Variants in NELL1 observed in about 807,000 individuals in gnomAD.
NELL1 encodes neural EGFL like 1, also known as protein kinase C-binding protein NELL1.
Under a neutral mutation model 107.4 loss-of-function variants are expected in NELL1, and 76 were observed. The observed-to-expected ratio is 0.71, with a 90% CI of 0.59 to 0.86. The LOEUF is 0.86. Ranked by LOEUF, NELL1 falls within the 40% of genes least tolerant of loss-of-function variation. The pLI, the probability that NELL1 is intolerant of heterozygous loss-of-function variation, is 0.00. For synonymous variants in NELL1, 353 were observed against 341.2 expected, an observed-to-expected ratio of 1.03 and a Z score of -0.38; for missense variants, 1,024 against 1,005.5, an observed-to-expected ratio of 1.02 and a Z score of -0.25.
chr11:21,297,595 G>T (rs1849401317), intron 14 of NELL1, among the ~76,000 whole-genome samples: 1 of 151,932 alleles, frequency 6.6e-6, no homozygotes, highest in Non-Finnish European at 1.5e-5. Flanking sequence ...TTCATTCTTT[G>T]ACTCCTTTAC....
intron 13 of NELL1, among the ~76,000 whole-genome samples, chr11:21,214,902 C>T (rs1192209788): frequency 2.6e-5 from 4 of 152,154 alleles, no homozygotes; most frequent in African/African-American, 9.7e-5. Flanking sequence ...ATACATAATA[C>T]ATACATGCAT....
At chr11:21,247,523 C>T (rs1283453406) in intron 14 of NELL1, among the ~76,000 whole-genome samples, 1 of 152,106 alleles carries the variant, frequency 6.6e-6, no homozygotes, top group East Asian at 1.9e-4. Flanking sequence ...CTTCCACCTC[C>T]AACTTTTGTC....
chr11:21,530,580 A>C (rs577222708), intron 15 of NELL1, among the ~76,000 whole-genome samples: 1 of 152,084 alleles, frequency 6.6e-6, no homozygotes, highest in African/African-American at 2.4e-5. Flanking sequence ...AGAAATTGTT[A>C]TAATTATTAT....
intron 12 of NELL1, among the ~76,000 whole-genome samples, chr11:21,061,503 A>G (rs1017527899): frequency 6.6e-6 from 1 of 152,200 alleles, no homozygotes; most frequent in Non-Finnish European, 1.5e-5. Context: ...GGCCAGATCC[A>G]CTTTTGACTA....
At chr11:20,787,577 T>A (rs1856992760) in intron 3 of NELL1, among the ~76,000 whole-genome samples, 1 of 152,306 alleles carries the variant, frequency 6.6e-6, no homozygotes, top group African/African-American at 2.4e-5. Flanking sequence ...GATCCAGGTA[T>A]GTGGTAGATA....
chr11:20,777,441 G>A lies in NELL1; in HGVS notation c.185-6239G>A, dbSNP rs756539412. 1.1e-3 allele frequency among the ~76,000 whole-genome samples: 174 copies of A among 152,178 alleles called. 9 individuals carry two copies. Among genetic ancestry groups the A allele is most frequent in the Admixed American group, 1.2e-3 (18 of 15,284 alleles). On this transcript the variant is annotated intron_variant, in intron 2 of 19. Coordinates refer to ENST00000357134, the MANE Select transcript of NELL1 (RefSeq NM_006157.5). The stretch of plus-strand genomic sequence containing the variant: ...AAAGTCCCTTACACGTTAACTGGGA[G>A]TCTTCTAGTGACTTCTGTTTTTTTG...
chr11:20,860,786 G>T (rs1382111837), intron 4 of NELL1, among the ~76,000 whole-genome samples: 1 of 152,206 alleles, frequency 6.6e-6, no homozygotes, highest in East Asian at 1.9e-4. Context: ...TTTACATGTG[G>T]CCTGTGTCAG....
chr11:21,273,748 CA>C (rs1158530390), intron 14 of NELL1, among the ~76,000 whole-genome samples: 1 of 152,172 alleles, frequency 6.6e-6, no homozygotes, highest in Non-Finnish European at 1.5e-5. Flanking sequence ...GGCCAATATT[CA>C]ACATTCTTAA....
At chr11:21,035,201 A>T (rs192791632) in intron 12 of NELL1, among the ~76,000 whole-genome samples, 1 of 152,090 alleles carries the variant, frequency 6.6e-6, no homozygotes, top group East Asian at 1.9e-4. Flanking sequence ...TGAATAGACT[A>T]ATCATGAACT....
intron 12 of NELL1, chr11:21,001,076 G>A (rs1037174294): frequency 1.3e-5 from 2 of 152,048 alleles, no homozygotes; most frequent in African/African-American, 4.8e-5. Context: ...CATATTTTGG[G>A]GATGAGTATA....
chr11:20,908,575 G>A (rs893902868), intron 5 of NELL1, among the ~76,000 whole-genome samples: 1 of 151,970 alleles, frequency 6.6e-6, no homozygotes, highest in Non-Finnish European at 1.5e-5. Flanking sequence ...GAAAGGGGAG[G>A]GAATTTAGAG....
At chr11:20,790,944 A>G (rs1208683134) in intron 3 of NELL1, among the ~76,000 whole-genome samples, 1 of 152,102 alleles carries the variant, frequency 6.6e-6, no homozygotes, top group Non-Finnish European at 1.5e-5. Context: ...TCATTGATCT[A>G]TATGTTTATC....
chr11:21,066,123 A>G (rs1042520488), intron 12 of NELL1, among the ~76,000 whole-genome samples: 1 of 152,210 alleles, frequency 6.6e-6, no homozygotes, highest in South Asian at 2.1e-4. Context: ...TAGTAATGAA[A>G]CAAAAGGCTT....
At chr11:20,845,482 C>G (rs1300583500) in intron 3 of NELL1, among the ~76,000 whole-genome samples, 3 of 152,130 alleles carry the variant, frequency 2.0e-5, no homozygotes, top group African/African-American at 7.2e-5. Context: ...GGTCATGTCC[C>G]TTCCCCAAGT....
At chr11:21,340,003 C>G (rs1377664330) in intron 14 of NELL1, among the ~76,000 whole-genome samples, 1 of 152,198 alleles carries the variant, frequency 6.6e-6, no homozygotes, top group African/African-American at 2.4e-5. Context: ...TTCCTCCCAT[C>G]TTAGAAACTG....
intron 15 of NELL1, among the ~76,000 whole-genome samples, chr11:21,512,617 ATATT>A (rs2133946065): frequency 6.6e-6 from 1 of 152,176 alleles, no homozygotes; most frequent in Admixed American, 6.6e-5. Flanking sequence ...ACCAACGTGT[ATATT>A]CACCTACTAC....
chr11:21,311,055 A>T (rs978266259), intron 14 of NELL1, among the ~76,000 whole-genome samples: 27 of 152,230 alleles, frequency 1.8e-4, no homozygotes, highest in Middle Eastern at 3.4e-3. Flanking sequence ...TCAGTAACAA[A>T]ATCTGTAGCT....
At chr11:21,073,551 C>CA (rs1854065791) in intron 12 of NELL1, among the ~76,000 whole-genome samples, 1 of 152,110 alleles carries the variant, frequency 6.6e-6, no homozygotes, top group Admixed American at 6.6e-5. Flanking sequence ...ATGGGTAGGG[C>CA]AAGACCTTGA....
At chr11:21,307,672 CT>C (rs1157371435) in intron 14 of NELL1, among the ~76,000 whole-genome samples, 3 of 151,978 alleles carry the variant, frequency 2.0e-5, no homozygotes, top group Non-Finnish European at 4.4e-5. Context: ...AGGACACAAA[CT>C]GGTTCCATGG....
Sources: gnomAD v4.1 joint callset for allele counts (sites outside exome capture counted in the v4.1 genomes callset) on GRCh38, gnomAD v4.1.1 for gene constraint, MANE v1.5 for transcripts, NCBI Gene and HGNC (gene_info 2026-07-23, HGNC 2026-07-21) for gene names.